The following MYO15A variants were observed in gnomAD, a reference collection of about 807,000 sequenced individuals.
The protein encoded by MYO15A is unconventional myosin-XV.
Under a neutral mutation model 394.6 loss-of-function variants are expected in MYO15A, and 308 were observed. The observed-to-expected ratio is 0.78, with a 90% CI of 0.71 to 0.86. The LOEUF (loss-of-function observed/expected upper bound fraction) is 0.86. Among genes scored for constraint, MYO15A ranks in the 40% least tolerant of loss-of-function variants. The pLI, the probability that MYO15A is intolerant of heterozygous loss-of-function variation, is 0.00. For synonymous variants in MYO15A, 1,957 were observed against 2,003.8 expected (o/e 0.98, Z 0.62); for missense variants, 4,606 against 4,799.1 (o/e 0.96, Z 1.19).
chr17:18,140,264 C>T (rs1314378532), intron 19 of MYO15A, among the ~76,000 whole-genome samples: 1 of 152,240 alleles, frequency 6.6e-6, no homozygotes, highest in Non-Finnish European at 1.5e-5. Flanking sequence ...GCCAGGCACA[C>T]AGTCAGTAAC....
At chr17:18,149,019 C>A in intron 33 of MYO15A, 67 bp downstream of exon 33, 1 of 1,532,744 alleles carries the variant, frequency 6.5e-7, no homozygotes, top group Non-Finnish European at 8.8e-7. Context: ...CACTCCCAGG[C>A]AGAAGGCCTG....
chr17:18,127,257 A>G, intron 7 of MYO15A, 92 bp downstream of exon 7: 3 of 1,460,012 alleles, frequency 2.1e-6, no homozygotes, highest in Non-Finnish European at 2.8e-6. Flanking sequence ...TCCTTGGCCC[A>G]CCAGGAAGAT....
At chr17:18,124,265 G>T in intron 2 of MYO15A, 1 of 621,610 alleles carries the variant, frequency 1.6e-6, no homozygotes, top group South Asian at 1.8e-5. Context: ...GGGAGGGCCT[G>T]CCTGGGCACT....
intron 61 of MYO15A, among the ~76,000 whole-genome samples, chr17:18,166,750 T>A (rs2142413943): frequency 6.6e-6 from 1 of 152,362 alleles, no homozygotes. Context: ...GCTTCCTGAC[T>A]TATTTAAGTC....
intron 61 of MYO15A, among the ~76,000 whole-genome samples, chr17:18,167,365 A>G: frequency 6.6e-6 from 1 of 152,248 alleles, no homozygotes; most frequent in East Asian, 1.9e-4. Context: ...ATCCTACACA[A>G]GGTTGCTGTG....
intron 1 of MYO15A, among the ~76,000 whole-genome samples, chr17:18,112,941 G>A (rs547515756): frequency 4.6e-5 from 7 of 151,768 alleles, no homozygotes; most frequent in South Asian, 2.1e-4. Context: ...TCTGCCTCCC[G>A]GGTTCAAGAA....
Position 18,137,572 on chromosome 17 carries a change from TC to T in MYO15A, c.4780-10del. ...GGAAGGACCAGTCCCAGCACCCCCA[TC>T]CACCTGGCAGGACCTGAGCTTCAAC... On this transcript the variant is annotated splice_polypyrimidine_tract_variant and intron_variant, in intron 15 of 65. Transcript: ENST00000647165. 1 of 1,612,846 alleles carries T rather than the reference TC, an allele frequency of 6.2e-7. No homozygotes were observed. Among genetic ancestry groups the T allele is most frequent in the Non-Finnish European group, 8.5e-7 (1 of 1,179,678 alleles).
At chr17:18,115,186 G>A (rs1777769877) in intron 1 of MYO15A, among the ~76,000 whole-genome samples, 1 of 152,156 alleles carries the variant, frequency 6.6e-6, no homozygotes, top group Admixed American at 6.6e-5. Context: ...CATGTCCCCA[G>A]CATCCTACCA....
chr17:18,130,413 T>TG (rs997099840), intron 7 of MYO15A, among the ~76,000 whole-genome samples: 3 of 102,638 alleles, frequency 2.9e-5, no homozygotes, highest in Non-Finnish European at 6.0e-5. Flanking sequence ...GGTAAGGGGT[T>TG]GGGGGGTGGG....
chr17:18,119,220 G>C lies in MYO15A; in HGVS notation c.420G>C (p.Lys140Asn). 1.2e-6 allele frequency: 2 copies of C among 1,612,512 alleles called. No homozygotes were observed. Among genetic ancestry groups the C allele is most frequent in the Non-Finnish European group, 1.7e-6 (2 of 1,179,904 alleles). Reference sequence around the variant, plus strand: ...CGGCCATCAACTGGCTCACAAAAAAGTTCCTCCTCAAGAAGGCCGAGGAGT... The same window carrying C: ...CGGCCATCAACTGGCTCACAAAAAACTTCCTCCTCAAGAAGGCCGAGGAGT... ...ASTAINWLTK[K>N]FLLKKAEESG... is the part of the protein sequence containing the mutation. The change falls in exon 2 of 66, where the codon AAG becomes AAC. Residue 140 changes from lysine (K) to asparagine (N), a missense_variant. Lys to Asn is a moderately conservative substitution (Grantham distance 94, BLOSUM62 0). This residue lies in a region of MYO15A where 1,830 missense variants were observed against 1,689.7 expected (regional missense o/e 1.08). Coordinates refer to ENST00000647165, the MANE Select transcript of MYO15A (RefSeq NM_016239.4).
At chr17:18,143,482 C>T (rs779818200) in intron 25 of MYO15A, 84 bp from the exon 26 acceptor site, 28 of 1,494,600 alleles carry the variant, frequency 1.9e-5, no homozygotes, top group Non-Finnish European at 2.6e-5. Flanking sequence ...GTGTGGCCGC[C>T]TTGCGTAAGC....
intron 13 of MYO15A, 142 bp from the exon 14 acceptor site, chr17:18,136,274 TG>T: frequency 2.0e-6 from 2 of 986,270 alleles, no homozygotes; most frequent in Non-Finnish European, 3.1e-6. Flanking sequence ...GGGGCAGGGG[TG>T]GTCCTGCCTA....
At chr17:18,146,216 A>G in intron 30 of MYO15A, 109 bp downstream of exon 30, 1 of 1,197,860 alleles carries the variant, frequency 8.3e-7, no homozygotes, top group Non-Finnish European at 1.2e-6. Flanking sequence ...TATGCTGGGA[A>G]GCTCAGGCAT....
chr17:18,119,317 C>A lies in MYO15A; in HGVS notation c.517C>A (p.Pro173Thr), dbSNP rs780495585. 6.2e-7 allele frequency: 1 copy of A among 1,610,410 alleles called. No individual in the cohort carries two copies. Among genetic ancestry groups the A allele is most frequent in the African/African-American group, 1.3e-5 (1 of 74,900 alleles). The change falls in exon 2 of 66, where the codon CCC (proline) becomes ACC (threonine). Residue 173 changes from proline to threonine, a missense_variant. Pro to Thr is a conservative substitution (Grantham distance 38, BLOSUM62 -1). Around this residue, in one of 2 missense-constraint regions of MYO15A, gnomAD observed 1,830 missense variants for 1,689.7 expected, o/e 1.08. Transcript: ENST00000647165. ...SSSRMGSRKL[P>T]FPSGAEILRP... is the part of the protein sequence containing the mutation. ...CTCCCGCATGGGCTCCCGCAAACTC[C>A]CCTTCCCGTCGGGTGCCGAGATCCT...
intron 25 of MYO15A, 140 bp from the exon 26 acceptor site, chr17:18,143,425 TG>T: frequency 3.3e-6 from 3 of 917,644 alleles, no homozygotes; most frequent in Non-Finnish European, 5.2e-6. Context: ...ACCTGTGGAG[TG>T]GGGCAGTCAC....
At position 18,176,404 on chromosome 17, in the gene MYO15A, T is replaced by C. The variant is rs114909775; in HGVS notation, c.10492-2365T>C. The stretch of plus-strand genomic sequence containing the variant: ...AACAGCCGTCTCTCGTGTGAACTAT[T>C]AGAGTGAGGACTCACTCATTACCTT... On this transcript the variant is annotated intron_variant, in intron 65 of 65. Coordinates refer to ENST00000647165, the MANE Select transcript of MYO15A (RefSeq NM_016239.4). 3.1e-3 allele frequency among the ~76,000 whole-genome samples: 471 copies of C among 152,162 alleles called. 3 individuals are homozygous for C. Among genetic ancestry groups the C allele is most frequent in the African/African-American group, 0.011 (452 of 41,508 alleles).
intron 65 of MYO15A, chr17:18,178,371 A>T: frequency 6.7e-6 from 1 of 149,930 alleles, no homozygotes; most frequent in Non-Finnish European, 1.4e-5. Flanking sequence ...TCCATCTAGG[A>T]AAAAAAAAAA....
intron 12 of MYO15A, among the ~76,000 whole-genome samples, chr17:18,133,854 C>T (rs2046215278): frequency 6.6e-6 from 1 of 152,178 alleles, no homozygotes. Flanking sequence ...GACGGGGTTT[C>T]ACCATGTTGG....
chr17:18,168,541 C>T (rs531476836), intron 62 of MYO15A, among the ~76,000 whole-genome samples: 3 of 150,226 alleles, frequency 2.0e-5, no homozygotes, highest in Admixed American at 6.6e-5. Flanking sequence ...GCACTCCAAC[C>T]GGGGTGACAG....
Sources: allele counts gnomAD v4.1 joint callset (sites outside exome capture counted in the v4.1 genomes callset), GRCh38; gene constraint gnomAD v4.1.1; regional missense constraint gnomAD v4.1.1; transcripts MANE v1.5; gene names NCBI Gene and HGNC (gene_info 2026-07-23, HGNC 2026-07-21).